ZNF729: variants seen among roughly 807,000 people sequenced by gnomAD.
ZNF729 encodes the protein zinc finger protein 729.
ZNF729 carries 15 observed loss-of-function variants against 12.2 expected under a neutral mutation model. The ratio of observed to expected loss-of-function variants is 1.23; its 90% CI spans 0.82 to 1.89. The LOEUF is 1.89. ZNF729 is among the 40% of genes most tolerant of loss of function. The pLI, the probability that ZNF729 is intolerant of heterozygous loss-of-function variation, is 0.00. For synonymous variants in ZNF729, 492 were observed against 476.3 expected (o/e 1.03, Z -0.43); for missense variants, 1,540 against 1,456.7 (o/e 1.06, Z -0.93).
intron 3 of ZNF729, among the ~76,000 whole-genome samples, chr19:22,311,721 A>G (rs752291367): frequency 1.3e-5 from 2 of 152,176 alleles, no homozygotes; most frequent in Non-Finnish European, 2.9e-5. Flanking sequence ...GCTCCAAGGT[A>G]TAGTTTAAAT....
At chr19:22,296,075 G>T (rs988459971) in intron 1 of ZNF729, among the ~76,000 whole-genome samples, 2 of 152,084 alleles carry the variant, frequency 1.3e-5, no homozygotes, top group African/African-American at 4.8e-5. Context: ...AGGAATATTG[G>T]CCTGAAGTTT....
At chr19:22,291,462 C>T (rs1035732114) in intron 1 of ZNF729, among the ~76,000 whole-genome samples, 6 of 152,184 alleles carry the variant, frequency 3.9e-5, no homozygotes, top group African/African-American at 7.2e-5. Flanking sequence ...AATTTCACTA[C>T]GGCATTTTTG....
intron 3 of ZNF729, among the ~76,000 whole-genome samples, chr19:22,310,248 A>C (rs925797009): frequency 2.0e-5 from 3 of 152,020 alleles, no homozygotes; most frequent in Non-Finnish European, 2.9e-5. Context: ...GTGTTGAAGA[A>C]GCATGGCGAG....
intron 1 of ZNF729, among the ~76,000 whole-genome samples, chr19:22,302,248 C>T (rs1968318966): frequency 6.6e-6 from 1 of 152,306 alleles, no homozygotes; most frequent in African/African-American, 2.4e-5. Flanking sequence ...GCTTCCATTT[C>T]ATGTGGCCAT....
chr19:22,314,774 A>G lies in ZNF729; in HGVS notation c.1357A>G (p.Ile453Val), dbSNP rs1227538334. Residue 453 changes from isoleucine to valine, a missense_variant, in exon 4 of 4, where the codon ATT (isoleucine) becomes GTT (valine). Ile to Val is a conservative substitution (Grantham distance 29). Coordinates refer to ENST00000601693, the MANE Select transcript of ZNF729 (RefSeq NM_001242680.2). Reference sequence around the variant, plus strand: ...CTCAACCCTTATGAAACATAAGATAATTCATACTGGGGAGAAACCATACAA... The same window carrying G: ...CTCAACCCTTATGAAACATAAGATAGTTCATACTGGGGAGAAACCATACAA... ...SSSTLMKHKI[I>V]HTGEKPYKCE... is the part of the protein sequence containing the mutation. 6.2e-7 allele frequency: 1 copy of G among 1,613,716 alleles called. No homozygotes were observed. Among genetic ancestry groups the G allele is most frequent in the Non-Finnish European group, 8.5e-7 (1 of 1,179,890 alleles).
Position 22,314,033 on chromosome 19 carries a change from A to T in ZNF729, c.616A>T (p.Asn206Tyr). 6.5e-7 allele frequency: 1 copy of T among 1,541,310 alleles called. No individual in the cohort carries two copies. The highest frequency in any genetic ancestry group is 8.7e-7 in the Non-Finnish European group (1 of 1,145,776). ...IRHKRIHIRQ[N>Y]IYKCEERGKA... ...ACATAAGAGAATTCATATTAGACAG[A>T]ATATCTACAAATGTGAAGAACGTGG... The change falls in exon 4 of 4, where the codon AAT (asparagine) becomes TAT (tyrosine). Residue 206 changes from asparagine (N) to tyrosine (Y), a missense_variant. Asn to Tyr is a moderately radical substitution (Grantham distance 143, BLOSUM62 -2). Transcript: ENST00000601693.
Position 22,292,940 on chromosome 19 carries a change from T to C in ZNF729, c.30+6385T>C, listed in dbSNP as rs111628544. Among the ~76,000 whole-genome samples, 454 of 152,292 alleles carry C rather than the reference T, an allele frequency of 3.0e-3. 4 individuals carry two copies. The highest frequency in any genetic ancestry group is 0.011 in the African/African-American group (442 of 41,566). Reference sequence around the variant, plus strand: ...TTCTCTTTTTAGTTCTGTGAGGAATTGCCACACTGCTTTTCACAATGGTTG... The same window carrying C: ...TTCTCTTTTTAGTTCTGTGAGGAATCGCCACACTGCTTTTCACAATGGTTG... On this transcript the variant is annotated intron_variant, in intron 1 of 3. Transcript: ENST00000601693.
At chr19:22,290,572 A>G (rs1194646570) in intron 1 of ZNF729, among the ~76,000 whole-genome samples, 2 of 152,122 alleles carry the variant, frequency 1.3e-5, no homozygotes, top group African/African-American at 2.4e-5. Flanking sequence ...AGATCAGAGA[A>G]TGTTTTACCC....
chr19:22,308,031 T>C (rs142854979), intron 3 of ZNF729, among the ~76,000 whole-genome samples: 2,367 of 152,048 alleles, frequency 0.016, 77 homozygotes, highest in African/African-American at 0.054. Flanking sequence ...GCTCTTCCCC[T>C]CAAGTCCCCA....
At chr19:22,291,261 C>T (rs957267689) in intron 1 of ZNF729, among the ~76,000 whole-genome samples, 5 of 152,162 alleles carry the variant, frequency 3.3e-5, no homozygotes, top group Admixed American at 6.5e-5. Flanking sequence ...CAGGCCATCA[C>T]ACTGCCCATT....
At chr19:22,303,596 A>T (rs191754603) in intron 1 of ZNF729, among the ~76,000 whole-genome samples, 162 bp from the exon 2 acceptor site, 5 of 151,350 alleles carry the variant, frequency 3.3e-5, no homozygotes. Flanking sequence ...ACTACATTAG[A>T]TAATATTTCT....
intron 1 of ZNF729, among the ~76,000 whole-genome samples, chr19:22,290,989 A>G (rs1290169771): frequency 1.3e-5 from 2 of 152,192 alleles, no homozygotes; most frequent in Non-Finnish European, 1.5e-5. Context: ...TTTAAACGGT[A>G]GCTCAGAAAC....
intron 1 of ZNF729, among the ~76,000 whole-genome samples, chr19:22,289,950 G>A (rs1968131517): frequency 6.6e-6 from 1 of 152,098 alleles, no homozygotes. Context: ...AGATACTTTT[G>A]CTTATCTTAC....
chr19:22,296,152 A>G (rs80048236), intron 1 of ZNF729, among the ~76,000 whole-genome samples: 3,348 of 152,258 alleles, frequency 0.022, 109 homozygotes, highest in African/African-American at 0.077. Context: ...ATAACGAGCT[A>G]AGGAGGAGTC....
intron 1 of ZNF729, among the ~76,000 whole-genome samples, chr19:22,289,386 C>T (rs543561522): frequency 4.6e-5 from 7 of 151,902 alleles, no homozygotes; most frequent in South Asian, 4.2e-4. Context: ...CCACCACACC[C>T]GGCTAATTTT....
chr19:22,313,312 A>G (rs567907429), intron 3 of ZNF729, among the ~76,000 whole-genome samples: 2 of 152,118 alleles, frequency 1.3e-5, no homozygotes, highest in African/African-American at 4.8e-5. Context: ...TTGGCCTCCA[A>G]AAGTGCTGGG....
chr19:22,302,579 TAAAA>T (rs34023494), intron 1 of ZNF729, among the ~76,000 whole-genome samples: 1 of 68,534 alleles, frequency 1.5e-5, no homozygotes, highest in African/African-American at 5.4e-5. Flanking sequence ...GGGCACTGTC[TAAAA>T]AAATATTTAA....
chr19:22,295,321 A>T (rs1483573021), intron 1 of ZNF729, among the ~76,000 whole-genome samples: 5 of 149,080 alleles, frequency 3.4e-5, no homozygotes, highest in African/African-American at 1.3e-4. Flanking sequence ...CTCTTGTCTG[A>T]TTGCTCTGGC....
At position 22,302,108 on chromosome 19, in the gene ZNF729, TC is replaced by T. The variant is rs1477417047; in HGVS notation, c.31-1648del. On this transcript the variant is annotated intron_variant, in intron 1 of 3. Transcript: ENST00000601693. ...GTCTCAGTATAAGAGAAATGAGTCATCCTGTGTTTGTTCCTCCCCTCATACA... is the reference window on the plus strand; with the variant it reads ...GTCTCAGTATAAGAGAAATGAGTCATCTGTGTTTGTTCCTCCCCTCATACA... 2.0e-5 allele frequency among the ~76,000 whole-genome samples: 3 copies of T among 152,428 alleles called. No homozygotes were observed. In the East Asian group the frequency reaches 5.8e-4, roughly 29 times the overall value.
Sources: allele counts gnomAD v4.1 joint callset (sites outside exome capture counted in the v4.1 genomes callset), GRCh38; gene constraint gnomAD v4.1.1; transcripts MANE v1.5; gene names NCBI Gene and HGNC (gene_info 2026-07-23, HGNC 2026-07-21).